The following ULK4 variants were observed in gnomAD, a reference collection of about 807,000 sequenced individuals.
ULK4 encodes inactive serine/threonine-protein kinase ULK4.
Under a neutral mutation model 160.6 loss-of-function variants are expected in ULK4, and 133 were observed. That is an observed-to-expected ratio of 0.83 (90% confidence interval 0.72 to 0.96). The LOEUF is 0.96. Among genes scored for constraint, ULK4 ranks in the 40% least tolerant of loss-of-function variants. The pLI is 0.00. For synonymous variants in ULK4, 534 were observed against 539.8 expected, an observed-to-expected ratio of 0.99 and a Z score of 0.15; for missense variants, 1,580 against 1,499.5, an observed-to-expected ratio of 1.05 and a Z score of -0.89.
chr3:41,372,887 G>A (rs1355578581), intron 35 of ULK4, among the ~76,000 whole-genome samples: 3 of 152,156 alleles, frequency 2.0e-5, no homozygotes, highest in African/African-American at 7.2e-5. Flanking sequence ...CGCTGTATTC[G>A]GAGACCCATC....
chr3:41,515,235 C>G (rs963186755), intron 32 of ULK4, among the ~76,000 whole-genome samples: 8 of 150,562 alleles, frequency 5.3e-5, no homozygotes, highest in Admixed American at 2.7e-4. Flanking sequence ...CCAGTCTGGG[C>G]GACAGAGTGA....
chr3:41,715,374 T>C (rs1389996742), intron 24 of ULK4, 73 bp downstream of exon 24: 2 of 1,611,522 alleles, frequency 1.2e-6, no homozygotes, highest in African/African-American at 2.7e-5. Context: ...TGTTTTGAGT[T>C]GAGGATTCTC....
rs934742636 is a variant in ULK4 at position 41,670,598 on chromosome 3, CAT to C, written c.2979-6901_2979-6900del. ...ATATATGTATATACATACACATATA[CAT>C]ATATATACATACACATATACATATA... On this transcript the variant is annotated intron_variant, in intron 29 of 36. Coordinates refer to ENST00000301831, the MANE Select transcript of ULK4 (RefSeq NM_017886.4). Among the ~76,000 whole-genome samples, 50 of 151,798 alleles carry C rather than the reference CAT, an allele frequency of 3.3e-4. 1 individual carries two copies. The highest frequency in any genetic ancestry group is 1.2e-3 in the African/African-American group (50 of 41,418).
intron 34 of ULK4, among the ~76,000 whole-genome samples, chr3:41,420,155 A>G (rs1477095140): frequency 6.6e-6 from 1 of 152,086 alleles, no homozygotes; most frequent in Admixed American, 6.5e-5. Context: ...TCCTGTTAAA[A>G]ATTTTCTTGG....
rs369059587 is a variant in ULK4 at position 41,484,458 on chromosome 3, C to CTTTTT, written c.3227-21210_3227-21206dup. Among the ~76,000 whole-genome samples the CTTTTT allele has an allele frequency of 1.5e-4, 20 of 134,936 alleles. 2 individuals carry two copies. Among genetic ancestry groups the CTTTTT allele is most frequent in the African/African-American group, 2.0e-4 (7 of 35,556 alleles). 88.5% of individuals were successfully genotyped at this position (134,936 alleles called of 152,430 possible). A position where few individuals can be genotyped will look rare whatever the true frequency, so the allele number is the denominator to read the frequency against. ...GAGTGACTTTTTTTTCTTTCTTTTC[C>CTTTTT]TTTTTTTGTTTTGAGATGGAGTCTC... On this transcript the variant is annotated intron_variant, in intron 32 of 36. Transcript: ENST00000301831.
At chr3:41,775,410 T>C (rs2039572077) in intron 21 of ULK4, among the ~76,000 whole-genome samples, 1 of 149,670 alleles carries the variant, frequency 6.7e-6, no homozygotes, top group Non-Finnish European at 1.5e-5. Context: ...TTTTTTTTTT[T>C]TTTATGGTGA....
chr3:41,368,039 T>A (rs930470187), intron 35 of ULK4, among the ~76,000 whole-genome samples: 18 of 152,084 alleles, frequency 1.2e-4, no homozygotes, highest in African/African-American at 4.3e-4. Context: ...ATATATTCCA[T>A]TTTGTGTCGC....
chr3:41,666,592 A>G (rs1428265445), intron 29 of ULK4, among the ~76,000 whole-genome samples: 1 of 152,216 alleles, frequency 6.6e-6, no homozygotes, highest in East Asian at 1.9e-4. Context: ...ACTTCTGATG[A>G]GTCCTTCGTG....
chr3:41,656,246 TACA>T (rs2034932323), intron 30 of ULK4, among the ~76,000 whole-genome samples: 1 of 152,102 alleles, frequency 6.6e-6, no homozygotes, highest in African/African-American at 2.4e-5. Flanking sequence ...GGAACACTTA[TACA>T]ACATTTTCTA....
At position 41,935,889 on chromosome 3, in the gene ULK4, A is replaced by G. The variant is rs1340091450; in HGVS notation, c.290T>C (p.Val97Ala). Residue 97 changes from valine (V) to alanine (A), a missense_variant, in exon 4 of 37, where the codon GTT becomes GCT. Val to Ala is a moderately conservative substitution (Grantham distance 64). Transcript: ENST00000301831. ...CAGGTCAATTCCAAATTCTCTCACA[A>G]CATCTTCTGGGAGGTTTTCATCTTG... ...IAQDENLPED[V>A]VREFGIDLIS... 6.2e-7 allele frequency: 1 copy of G among 1,613,994 alleles called. No homozygotes were observed.
intron 22 of ULK4, among the ~76,000 whole-genome samples, chr3:41,750,922 G>A (rs187097573): frequency 3.0e-3 from 452 of 150,858 alleles, no homozygotes; most frequent in African/African-American, 0.01. Context: ...CCCGGGAGGC[G>A]GAGATTGCAG....
intron 35 of ULK4, among the ~76,000 whole-genome samples, chr3:41,275,584 C>A (rs1024926210): frequency 1.8e-4 from 28 of 151,960 alleles, no homozygotes; most frequent in African/African-American, 6.5e-4. Flanking sequence ...AGATTAGAAT[C>A]TGGCTTTAAG....
chr3:41,557,312 G>C (rs1442048280), intron 32 of ULK4, among the ~76,000 whole-genome samples: 2 of 151,740 alleles, frequency 1.3e-5, no homozygotes, highest in Non-Finnish European at 2.9e-5. Context: ...GGGAAAAGTA[G>C]CATCATAAAA....
At chr3:41,658,733 A>ACACACACACACACACACACTCTCT (rs760275808) in intron 30 of ULK4, among the ~76,000 whole-genome samples, 1 of 131,584 alleles carries the variant, frequency 7.6e-6, no homozygotes, top group African/African-American at 2.8e-5. Context: ...AACAGTACAC[A>ACACACACACACACACACACTCTCT]CACACACACA....
intron 35 of ULK4, among the ~76,000 whole-genome samples, chr3:41,309,570 C>T (rs1002791678): frequency 6.6e-6 from 1 of 152,116 alleles, no homozygotes; most frequent in African/African-American, 2.4e-5. Flanking sequence ...TTCAAAGTAG[C>T]CTTTTTGACA....
At chr3:41,371,755 T>A (rs1202703593) in intron 35 of ULK4, among the ~76,000 whole-genome samples, 1 of 151,850 alleles carries the variant, frequency 6.6e-6, no homozygotes, top group African/African-American at 2.4e-5. Flanking sequence ...TGATCATAAC[T>A]CCTCGCCAGT....
chr3:41,842,366 A>G (rs2041954998), intron 17 of ULK4, among the ~76,000 whole-genome samples: 3 of 152,176 alleles, frequency 2.0e-5, no homozygotes, highest in Admixed American at 2.0e-4. Flanking sequence ...AGACTTATAC[A>G]GCTACAGTAA....
At chr3:41,749,070 T>C (rs1163259250) in intron 22 of ULK4, among the ~76,000 whole-genome samples, 1 of 152,258 alleles carries the variant, frequency 6.6e-6, no homozygotes, top group African/African-American at 2.4e-5. Flanking sequence ...TAGTTTGCAA[T>C]GGTGCAAAAA....
intron 34 of ULK4, among the ~76,000 whole-genome samples, chr3:41,409,948 CAAA>C (rs36107176): frequency 2.1e-5 from 3 of 143,228 alleles, no homozygotes; most frequent in Admixed American, 7.1e-5. Flanking sequence ...GACCCGGTCT[CAAA>C]AAAAAAAAAG....
Sources: allele counts gnomAD v4.1 joint callset (sites outside exome capture counted in the v4.1 genomes callset), GRCh38; gene constraint gnomAD v4.1.1; transcripts MANE v1.5; gene names NCBI Gene and HGNC (gene_info 2026-07-23, HGNC 2026-07-21).